Variants in CCDC91 observed in about 807,000 individuals in gnomAD.
CCDC91 encodes the protein coiled-coil domain containing 91, also known as coiled-coil domain-containing protein 91.
In CCDC91, 48 loss-of-function variants were observed where a neutral mutation model predicts 63.2. The ratio of observed to expected loss-of-function variants is 0.76; its 90% CI spans 0.60 to 0.97. The LOEUF is 0.97. Among genes scored for constraint, CCDC91 ranks in the 50% least tolerant of loss-of-function variants. CCDC91 has a pLI of 0.00. For missense variants in CCDC91, 500 were observed against 494.6 expected (o/e 1.01, Z -0.10); for synonymous variants, 167 against 165.8 (o/e 1.01, Z -0.06).
intron 7 of CCDC91, among the ~76,000 whole-genome samples, chr12:28,363,963 G>T (rs377008171): frequency 2.9e-5 from 4 of 138,602 alleles, no homozygotes; most frequent in African/African-American, 5.3e-5. Flanking sequence ...AGTGAAAAGT[G>T]TTTTTTTTTT....
chr12:28,382,652 C>G (rs1480375829), intron 7 of CCDC91, among the ~76,000 whole-genome samples: 2 of 152,066 alleles, frequency 1.3e-5, no homozygotes, highest in Non-Finnish European at 2.9e-5. Context: ...AGGCTTGATT[C>G]AGGGCTCTTT....
intron 3 of CCDC91, among the ~76,000 whole-genome samples, chr12:28,262,842 T>C (rs1180441518): frequency 6.6e-6 from 1 of 152,050 alleles, no homozygotes; most frequent in African/African-American, 2.4e-5. Flanking sequence ...TTTTCCTAAT[T>C]CCTTTACTCT....
chr12:28,406,277 TAAA>T (rs58830565), intron 8 of CCDC91, among the ~76,000 whole-genome samples: 1,898 of 128,932 alleles, frequency 0.015, 47 homozygotes, highest in African/African-American at 0.051. Context: ...GTTCTTCCAA[TAAA>T]AAAAAAAAAA....
At chr12:28,501,531 C>G (rs11049674) in intron 12 of CCDC91, among the ~76,000 whole-genome samples, 31,581 of 151,696 alleles carry the variant, frequency 0.21, 4,293 homozygotes, top group Non-Finnish European at 0.31. Flanking sequence ...GTATATTGAA[C>G]CAGCCTTGCA....
intron 12 of CCDC91, among the ~76,000 whole-genome samples, chr12:28,519,839 G>A (rs752778723): frequency 5.3e-5 from 8 of 151,184 alleles, no homozygotes; most frequent in Non-Finnish European, 1.0e-4. Flanking sequence ...CTGTCCTTGC[G>A]ATAGTTTGCT....
Position 28,270,671 on chromosome 12 carries a change from C to A in CCDC91, c.109+11229C>A, listed in dbSNP as rs781062788. Among the ~76,000 whole-genome samples the A allele has an allele frequency of 2.6e-5, 4 of 152,102 alleles. No individual in the cohort carries two copies. The South Asian group carries it at 6.2e-4, about 24-fold the overall frequency. ...ATCCATTAGGTTCCTAAAGGAGCAACCTTAAAGTAATTTCAACCCTTGGTC... is the reference window on the plus strand; with the variant it reads ...ATCCATTAGGTTCCTAAAGGAGCAAACTTAAAGTAATTTCAACCCTTGGTC... On this transcript the variant is annotated intron_variant, in intron 3 of 12. Coordinates refer to ENST00000536442, the MANE Select transcript of CCDC91 (RefSeq NM_018318.5).
chr12:28,437,750 C>T lies in CCDC91; in HGVS notation c.763-12411C>T, dbSNP rs1264390303. Among the ~76,000 whole-genome samples, 5 of 152,078 alleles carry T rather than the reference C, an allele frequency of 3.3e-5. No individual in the cohort carries two copies. The East Asian group carries it at 7.7e-4, about 24-fold the overall frequency. Reference sequence around the variant, plus strand: ...CACTGGTTTCAACACTTTTCATTTTCCTTTTTTTTTAACAAAATAATTTGG... The same window carrying T: ...CACTGGTTTCAACACTTTTCATTTTTCTTTTTTTTTAACAAAATAATTTGG... On this transcript the variant is annotated intron_variant, in intron 8 of 12. Coordinates refer to ENST00000536442, the MANE Select transcript of CCDC91 (RefSeq NM_018318.5).
At chr12:28,272,763 T>C (rs1320792606) in intron 3 of CCDC91, among the ~76,000 whole-genome samples, 1 of 152,132 alleles carries the variant, frequency 6.6e-6, no homozygotes, top group Non-Finnish European at 1.5e-5. Flanking sequence ...TAATGCACTT[T>C]AGAGTATTGT....
chr12:28,311,757 T>C (rs935981802), intron 6 of CCDC91, among the ~76,000 whole-genome samples: 2 of 151,986 alleles, frequency 1.3e-5, no homozygotes, highest in African/African-American at 4.8e-5. Context: ...AGGATGTTTA[T>C]TGTCTAAAAG....
chr12:28,354,155 A>G (rs1943369299), intron 6 of CCDC91, among the ~76,000 whole-genome samples: 1 of 152,180 alleles, frequency 6.6e-6, no homozygotes, highest in Admixed American at 6.5e-5. Flanking sequence ...TATGTTATGG[A>G]GGTCACAGTT....
At chr12:28,452,107 T>G (rs190459911) in intron 10 of CCDC91, among the ~76,000 whole-genome samples, 2 of 151,576 alleles carry the variant, frequency 1.3e-5, no homozygotes, top group Admixed American at 6.6e-5. Context: ...AATTAATAAT[T>G]TTATTTTTTC....
chr12:28,483,270 C>G (rs974109173), intron 11 of CCDC91, among the ~76,000 whole-genome samples: 1 of 151,888 alleles, frequency 6.6e-6, no homozygotes, highest in African/African-American at 2.4e-5. Context: ...AAGCCATTTT[C>G]CAATTGATTG....
At chr12:28,195,446 A>G (rs1411656013) in intron 1 of CCDC91, among the ~76,000 whole-genome samples, 1 of 139,926 alleles carries the variant, frequency 7.1e-6, no homozygotes, top group Non-Finnish European at 1.6e-5. Context: ...TCTCATTACT[A>G]TCTTTTCTTC....
At chr12:28,446,501 A>G (rs1167820979) in intron 8 of CCDC91, among the ~76,000 whole-genome samples, 1 of 152,154 alleles carries the variant, frequency 6.6e-6, no homozygotes, top group Non-Finnish European at 1.5e-5. Context: ...CTATATTTAT[A>G]TAGTTTTTTG....
intron 6 of CCDC91, among the ~76,000 whole-genome samples, chr12:28,308,066 C>G (rs1316193478): frequency 6.6e-6 from 1 of 151,900 alleles, no homozygotes; most frequent in Non-Finnish European, 1.5e-5. Context: ...ATTTAGAATC[C>G]TGTAATCCAG....
intron 6 of CCDC91, among the ~76,000 whole-genome samples, chr12:28,336,267 T>C (rs746710788): frequency 3.9e-5 from 6 of 152,112 alleles, no homozygotes; most frequent in African/African-American, 7.2e-5. Context: ...TAATTACTAA[T>C]TGATGGCAAG....
At chr12:28,343,175 C>T (rs1055567718) in intron 6 of CCDC91, among the ~76,000 whole-genome samples, 5 of 135,300 alleles carry the variant, frequency 3.7e-5, no homozygotes, top group Admixed American at 3.3e-4. Context: ...GAGATATACA[C>T]ATACATTGAC....
At chr12:28,257,016 A>G (rs1946500474) in intron 1 of CCDC91, 186 bp from the exon 2 acceptor site, 1 of 465,716 alleles carries the variant, frequency 2.1e-6, no homozygotes, top group African/African-American at 2.0e-5. Flanking sequence ...TTGCTGAAAA[A>G]GTTACAGAAA....
intron 6 of CCDC91, among the ~76,000 whole-genome samples, chr12:28,334,838 A>T: frequency 6.6e-6 from 1 of 151,968 alleles, no homozygotes; most frequent in Non-Finnish European, 1.5e-5. Context: ...CAATCCTCAT[A>T]TCCAAATAGA....
Sources: gnomAD v4.1 joint callset for allele counts (sites outside exome capture counted in the v4.1 genomes callset) on GRCh38, gnomAD v4.1.1 for gene constraint, MANE v1.5 for transcripts, NCBI Gene and HGNC (gene_info 2026-07-23, HGNC 2026-07-21) for gene names.